Variants in PCSK2 observed in about 807,000 individuals in gnomAD.
PCSK2 encodes the protein proprotein convertase subtilisin/kexin type 2, also known as neuroendocrine convertase 2.
PCSK2 carries 14 observed loss-of-function variants against 69.7 expected under a neutral mutation model. That is an observed-to-expected ratio of 0.20 (90% confidence interval 0.13 to 0.31). The LOEUF is 0.31. Among genes scored for constraint, PCSK2 ranks in the 10% least tolerant of loss-of-function variants. The pLI is 1.00. For missense variants in PCSK2, 544 were observed against 842.5 expected (o/e 0.65, Z 4.39); for synonymous variants, 307 against 320.7 (o/e 0.96, Z 0.46).
intron 1 of PCSK2, chr20:17,228,248 G>C (rs1348145682): frequency 6.6e-6 from 1 of 152,514 alleles, no homozygotes; most frequent in Non-Finnish European, 1.5e-5. Context: ...TCCCACTAGA[G>C]CGTGGGGATC....
At chr20:17,282,802 G>T (rs1376451637) in intron 2 of PCSK2, among the ~76,000 whole-genome samples, 1 of 152,032 alleles carries the variant, frequency 6.6e-6, no homozygotes, top group East Asian at 1.9e-4. Context: ...TAAATAAAGT[G>T]ACACCTTTTA....
At chr20:17,342,651 T>C (rs1049061156) in intron 2 of PCSK2, among the ~76,000 whole-genome samples, 1 of 151,554 alleles carries the variant, frequency 6.6e-6, no homozygotes, top group Non-Finnish European at 1.5e-5. Context: ...TTTTTTTTTT[T>C]GAGACAGGGT....
chr20:17,281,316 TCTC>T (rs1371484453), intron 2 of PCSK2, among the ~76,000 whole-genome samples: 3 of 152,148 alleles, frequency 2.0e-5, no homozygotes, highest in East Asian at 3.9e-4. Flanking sequence ...TCTAAACACT[TCTC>T]CTGGCCCTGA....
chr20:17,386,052 A>G (rs2031226376), intron 5 of PCSK2, among the ~76,000 whole-genome samples: 1 of 152,208 alleles, frequency 6.6e-6, no homozygotes, highest in South Asian at 2.1e-4. Context: ...GCAAGGAGTT[A>G]TTATGGATGG....
intron 1 of PCSK2, among the ~76,000 whole-genome samples, chr20:17,231,240 T>A (rs1986134180): frequency 1.3e-5 from 2 of 152,356 alleles, no homozygotes; most frequent in African/African-American, 4.8e-5. Context: ...ATTTTTATAA[T>A]GTGTGAGAAT....
At chr20:17,425,461 A>C (rs2032227268) in intron 6 of PCSK2, among the ~76,000 whole-genome samples, 1 of 152,128 alleles carries the variant, frequency 6.6e-6, no homozygotes, top group African/African-American at 2.4e-5. Flanking sequence ...GTCACCCAAC[A>C]TCTCTTTTTG....
chr20:17,304,850 C>T (rs1239915383), intron 2 of PCSK2, among the ~76,000 whole-genome samples: 2 of 152,138 alleles, frequency 1.3e-5, no homozygotes, highest in Non-Finnish European at 2.9e-5. Context: ...TTTCAGTACC[C>T]AGAAGCTGCG....
chr20:17,265,281 T>C (rs991005440), intron 2 of PCSK2, among the ~76,000 whole-genome samples: 1 of 152,160 alleles, frequency 6.6e-6, no homozygotes, highest in East Asian at 1.9e-4. Context: ...CCTCACAGTC[T>C]GGGGGCTGGG....
At chr20:17,421,829 A>AAAAAAAAAAAAAAAAAAC (rs2032136413) in intron 6 of PCSK2, among the ~76,000 whole-genome samples, 1 of 120,202 alleles carries the variant, frequency 8.3e-6, no homozygotes, top group Non-Finnish European at 1.9e-5. Flanking sequence ...AAAAAAAAAA[A>AAAAAAAAAAAAAAAAAAC]AAAAAAAAAG....
At chr20:17,332,448 G>A (rs1184657606) in intron 2 of PCSK2, among the ~76,000 whole-genome samples, 3 of 152,090 alleles carry the variant, frequency 2.0e-5, no homozygotes, top group Non-Finnish European at 4.4e-5. Context: ...GTTGAAAATA[G>A]GGCACTGGAT....
In PCSK2 at chr20:17,338,706, G is replaced by A. The variant is rs372048121; in HGVS notation, c.283-19621G>A. Among the ~76,000 whole-genome samples the A allele has an allele frequency of 1.1e-4, 16 of 152,234 alleles. No individual in the cohort carries two copies. In the East Asian group the frequency reaches 2.3e-3, roughly 22 times the overall value. On this transcript the variant is annotated intron_variant, in intron 2 of 11. Transcript: ENST00000262545. ...GGAACTCAGAAACAGAGTGAGAGAG[G>A]GGTCATTCCCAGGGAGAGGGATGGT...
intron 1 of PCSK2, among the ~76,000 whole-genome samples, chr20:17,237,664 C>T (rs1294006336): frequency 6.6e-6 from 1 of 152,034 alleles, no homozygotes; most frequent in Non-Finnish European, 1.5e-5. Flanking sequence ...TAATTTGGGT[C>T]CCCAGATGTA....
intron 2 of PCSK2, among the ~76,000 whole-genome samples, chr20:17,310,698 A>G (rs1219852297): frequency 6.6e-6 from 1 of 150,902 alleles, no homozygotes; most frequent in African/African-American, 2.4e-5. Flanking sequence ...CAAGTAGGCC[A>G]TCAAAAAATA....
chr20:17,453,801 C>T lies in PCSK2; in HGVS notation c.945C>T (p.Asp315=), dbSNP rs1397195326. The change falls in exon 9 of 12, where the codon GAC becomes GAT. Residue 315 remains aspartate (D), a synonymous_variant. Transcript: ENST00000262545. The surrounding 1 kb of genome is among the most constrained non-coding windows in gnomAD (Gnocchi z 4.0). ...CCTCCGGGGACGGCGGCAGCTATGA[C>T]GACTGCAACTGCGACGGCTACGCCT... ...VWASGDGGSY[D]DCNCDGYASS... is the part of the protein sequence containing the mutation. The T allele has an allele frequency of 1.2e-6, 2 of 1,614,100 alleles. No individual in the cohort carries two copies. The highest frequency in any genetic ancestry group is 2.2e-5 in the East Asian group (1 of 44,886).
intron 2 of PCSK2, among the ~76,000 whole-genome samples, chr20:17,335,648 C>T (rs1990328253): frequency 6.6e-6 from 1 of 151,764 alleles, no homozygotes; most frequent in Admixed American, 6.6e-5. Context: ...TTGCCCCCTC[C>T]CATCCTTCCC....
At chr20:17,405,630 G>C (rs529906465) in intron 5 of PCSK2, among the ~76,000 whole-genome samples, 173 of 152,340 alleles carry the variant, frequency 1.1e-3, no homozygotes, top group South Asian at 2.7e-3. Flanking sequence ...CGTGGTGCAG[G>C]CCATCTGTTT....
intron 2 of PCSK2, among the ~76,000 whole-genome samples, chr20:17,349,864 A>G (rs1420813199): frequency 6.6e-6 from 1 of 152,140 alleles, no homozygotes; most frequent in Non-Finnish European, 1.5e-5. Context: ...GCCCATCCCT[A>G]GCAACTCTCA....
intron 3 of PCSK2, among the ~76,000 whole-genome samples, chr20:17,359,798 AT>A (rs5840764): frequency 0.16 from 24,711 of 152,086 alleles, 2,321 homozygotes; most frequent in Middle Eastern, 0.27. Context: ...TGACTTCATT[AT>A]TTTTTTTACA....
At chr20:17,479,097 A>G (rs886313758) in intron 11 of PCSK2, 2 of 1,316,314 alleles carry the variant, frequency 1.5e-6, no homozygotes, top group Non-Finnish European at 1.1e-6. Context: ...AAAGAACAGC[A>G]ATGGCAAAAA....
Sources: gnomAD v4.1 joint callset for allele counts (sites outside exome capture counted in the v4.1 genomes callset) on GRCh38, gnomAD v4.1.1 for gene constraint, Gnocchi (gnomAD v3.1) non-coding constraint, MANE v1.5 for transcripts, NCBI Gene and HGNC (gene_info 2026-07-23, HGNC 2026-07-21) for gene names.